ROS1: variants seen among roughly 807,000 people sequenced by gnomAD.
ROS1 encodes proto-oncogene tyrosine-protein kinase ROS.
In ROS1, 263 loss-of-function variants were observed where a neutral mutation model predicts 273.5. The observed-to-expected ratio is 0.96, with a 90% CI of 0.87 to 1.06. The LOEUF is 1.06. Ranked by LOEUF, ROS1 falls within the 50% of genes least tolerant of loss-of-function variation. ROS1 has a pLI of 0.00. For synonymous variants in ROS1, 1,008 were observed against 954.1 expected (o/e 1.06, Z -1.04); for missense variants, 2,833 against 2,751.1 (o/e 1.03, Z -0.67).
chr6:117,400,908 T>C (rs950680470), intron 7 of ROS1, among the ~76,000 whole-genome samples: 8 of 152,338 alleles, frequency 5.3e-5, no homozygotes, highest in African/African-American at 1.9e-4. Context: ...ATCCTTCCAT[T>C]TAATTGCTTC....
intron 3 of ROS1, among the ~76,000 whole-genome samples, chr6:117,414,787 G>A (rs1019036340): frequency 1.3e-5 from 2 of 152,226 alleles, no homozygotes; most frequent in Non-Finnish European, 2.9e-5. Flanking sequence ...ATGTCCACCA[G>A]AAAAATCTCA....
chr6:117,322,913 C>T (rs889921737), intron 35 of ROS1, among the ~76,000 whole-genome samples: 6 of 152,126 alleles, frequency 3.9e-5, no homozygotes, highest in African/African-American at 1.4e-4. Context: ...AATAGGTTGT[C>T]TGAAATTATC....
chr6:117,424,538 T>G (rs1039455198), intron 1 of ROS1, among the ~76,000 whole-genome samples: 1 of 152,152 alleles, frequency 6.6e-6, no homozygotes, highest in East Asian at 1.9e-4. Flanking sequence ...TCTTCCATTT[T>G]TAAGTTTGGG....
At chr6:117,394,798 C>CA (rs1418829355) in intron 9 of ROS1, 60 bp from the exon 10 acceptor site, 3 of 1,465,946 alleles carry the variant, frequency 2.0e-6, no homozygotes, top group Non-Finnish European at 2.7e-6. Flanking sequence ...CTAACAGACA[C>CA]AAAAAAGATC....
chr6:117,313,457 C>T (rs1775691167), intron 39 of ROS1, among the ~76,000 whole-genome samples: 1 of 151,542 alleles, frequency 6.6e-6, no homozygotes, highest in Non-Finnish European at 1.5e-5. Context: ...TCTGTAGTCC[C>T]AACTACTCAG....
chr6:117,306,629 A>G (rs560899631), intron 42 of ROS1, among the ~76,000 whole-genome samples: 174 of 152,304 alleles, frequency 1.1e-3, no homozygotes, highest in Non-Finnish European at 1.9e-4. Context: ...GAGTGCATCC[A>G]GGTGCTGAGT....
In ROS1 at chr6:117,409,650, A is replaced by G; in HGVS notation, c.256-8T>C. 1 of 1,613,360 alleles carries G rather than the reference A, an allele frequency of 6.2e-7. No individual in the cohort carries two copies. The highest frequency in any genetic ancestry group is 1.7e-5 in the Admixed American group (1 of 59,956). On this transcript the variant is annotated splice_polypyrimidine_tract_variant and splice_region_variant and intron_variant, in intron 4 of 43. Transcript: ENST00000368507. ...AACCTCACACGACTCCCGCTGTGGA[A>G]GACAGGGAGCATGACAGTCAGGGCA...
At chr6:117,411,813 A>G (rs9374656) in intron 4 of ROS1, among the ~76,000 whole-genome samples, 8,634 of 152,308 alleles carry the variant, frequency 0.057, 354 homozygotes, top group East Asian at 0.16. Flanking sequence ...AGTAAGCAAG[A>G]AAGTTAAACT....
intron 43 of ROS1, among the ~76,000 whole-genome samples, chr6:117,295,596 A>G (rs1774173119): frequency 6.6e-6 from 1 of 152,224 alleles, no homozygotes; most frequent in Non-Finnish European, 1.5e-5. Context: ...CCCATCTGAC[A>G]AGGGGTTAAT....
chr6:117,349,264 G>C (rs986191257), intron 27 of ROS1, among the ~76,000 whole-genome samples: 20 of 151,926 alleles, frequency 1.3e-4, no homozygotes, highest in South Asian at 8.3e-4. Context: ...TGTTGTTAGA[G>C]ATATATGCAT....
In ROS1 at chr6:117,344,215, G is replaced by C. The variant is rs759746491; in HGVS notation, c.4351C>G (p.Leu1451Val). 6.2e-7 allele frequency: 1 copy of C among 1,614,040 alleles called. No homozygotes were observed. The highest frequency in any genetic ancestry group is 1.1e-5 in the South Asian group (1 of 91,074). ...GTGAGGCTAGTGTTAGTGGCATTAA[G>C]TATAGTTGGTTCCACAGTGTCTGAA... ...LASDTVEPTILNATNTSLTIR... is the reference protein window; with the variant it reads ...LASDTVEPTIVNATNTSLTIR... Residue 1451 changes from leucine (L) to valine (V), a missense_variant, in exon 28 of 44, where the codon CTT (leucine) becomes GTT (valine). Leu to Val is a conservative substitution (Grantham distance 32, BLOSUM62 1). Transcript: ENST00000368507.
chr6:117,319,308 G>T (rs1409109736), intron 37 of ROS1, among the ~76,000 whole-genome samples: 1 of 152,080 alleles, frequency 6.6e-6, no homozygotes, highest in Non-Finnish European at 1.5e-5. Context: ...TATAGCCTAT[G>T]ATCTGAAAAT....
At chr6:117,352,153 T>C (rs1778920993) in intron 27 of ROS1, among the ~76,000 whole-genome samples, 1 of 152,208 alleles carries the variant, frequency 6.6e-6, no homozygotes, top group Non-Finnish European at 1.5e-5. Context: ...CAATCTGGGC[T>C]CACTGCAAGC....
chr6:117,359,942 T>A lies in ROS1; in HGVS notation c.3500A>T (p.Asn1167Ile). 6.2e-7 allele frequency: 1 copy of A among 1,613,930 alleles called. No individual in the cohort carries two copies. The highest frequency in any genetic ancestry group is 8.5e-7 in the Non-Finnish European group (1 of 1,179,882). The change falls in exon 24 of 44, where the codon AAT (asparagine) becomes ATT (isoleucine). Residue 1167 changes from asparagine (N) to isoleucine (I), a missense_variant. Transcript: ENST00000368507. The stretch of plus-strand genomic sequence containing the variant: ...TGCTGAAAACGTCCACACAACTTGA[T>A]TTTGATCCATATCTAAAAAAACTAT... ...NKIVFLDMDQNQVVWTFSAER... is the reference protein window; with the variant it reads ...NKIVFLDMDQIQVVWTFSAER...
chr6:117,385,302 C>T (rs1468400272), intron 16 of ROS1, among the ~76,000 whole-genome samples: 2 of 152,248 alleles, frequency 1.3e-5, no homozygotes, highest in Middle Eastern at 3.4e-3. Flanking sequence ...CGCCTGTAAT[C>T]CCAGCACTTT....
chr6:117,328,685 G>T (rs2128590673), intron 33 of ROS1: 1 of 604,144 alleles, frequency 1.7e-6, no homozygotes, highest in Non-Finnish European at 3.3e-6. Context: ...TTGGAATTTG[G>T]AATTCTCCCC....
intron 14 of ROS1, 112 bp downstream of exon 14, chr6:117,387,668 T>C: frequency 9.4e-7 from 1 of 1,067,938 alleles, no homozygotes; most frequent in Non-Finnish European, 1.4e-6. Flanking sequence ...ACTCAAGAGG[T>C]CAATACACCC....
chr6:117,372,625 G>A (rs1266064358), intron 18 of ROS1, among the ~76,000 whole-genome samples: 1 of 152,188 alleles, frequency 6.6e-6, no homozygotes, highest in African/African-American at 2.4e-5. Flanking sequence ...TGAAGCTGCA[G>A]ACCTTCGTGG....
intron 43 of ROS1, among the ~76,000 whole-genome samples, chr6:117,296,398 CA>C (rs35151095): frequency 2.5e-4 from 36 of 146,472 alleles, no homozygotes; most frequent in South Asian, 6.4e-4. Flanking sequence ...GAGACTGTCT[CA>C]AAAAAAAAAA....
Sources: gnomAD v4.1 joint callset for allele counts (sites outside exome capture counted in the v4.1 genomes callset) on GRCh38, gnomAD v4.1.1 for gene constraint, MANE v1.5 for transcripts, NCBI Gene and HGNC (gene_info 2026-07-23, HGNC 2026-07-21) for gene names.